PLN: variants seen among roughly 807,000 people sequenced by gnomAD.
PLN encodes cardiac phospholamban.
A neutral mutation model predicts 3.9 loss-of-function variants in PLN; 1 was observed. That is an observed-to-expected ratio of 0.26 (90% CI 0.09 to 1.23). The LOEUF (loss-of-function observed/expected upper bound fraction) is 1.23. PLN is among the 50% of genes most tolerant of loss of function. The pLI is 0.48. For synonymous variants in PLN, 21 were observed against 20.5 expected (o/e 1.02, Z -0.07); for missense variants, 59 against 62.7 (o/e 0.94, Z 0.20).
intron 1 of PLN, among the ~76,000 whole-genome samples, chr6:118,550,684 C>G (rs1778489759): frequency 1.3e-5 from 2 of 151,972 alleles, no homozygotes; most frequent in Admixed American, 1.3e-4. Flanking sequence ...TGCACATCCT[C>G]TATATACTGA....
At chr6:118,551,083 T>C (rs1445924515) in intron 1 of PLN, among the ~76,000 whole-genome samples, 7 of 151,898 alleles carry the variant, frequency 4.6e-5, no homozygotes, top group Non-Finnish European at 7.4e-5. Context: ...ATACCTAAAA[T>C]CCAAGTTAAC....
chr6:118,561,082 C>G lies in PLN; in HGVS notation c.*2002C>G, dbSNP rs939881579. ...GAGACACTATTAAATTTTCTGAACC[C>G]ATGAGAGATACTAGAGATGGGGAGT... On this transcript the variant is annotated 3_prime_UTR_variant, in exon 2 of 2. Transcript: ENST00000357525. Among the ~76,000 whole-genome samples, 1 of 152,092 alleles carries G rather than the reference C, an allele frequency of 6.6e-6. No homozygotes were observed. The highest frequency in any genetic ancestry group is 2.4e-5 in the African/African-American group (1 of 41,420).
At chr6:118,555,228 G>A (rs948733920) in intron 1 of PLN, among the ~76,000 whole-genome samples, 2 of 151,972 alleles carry the variant, frequency 1.3e-5, no homozygotes, top group Non-Finnish European at 2.9e-5. Context: ...TCGGGAGATC[G>A]AGACCATCCT....
chr6:118,550,227 G>T (rs1583026825), intron 1 of PLN, among the ~76,000 whole-genome samples: 1 of 151,708 alleles, frequency 6.6e-6, no homozygotes, highest in Non-Finnish European at 1.5e-5. Context: ...AGGCATAAAG[G>T]AAAATGATCA....
chr6:118,557,128 A>G (rs1046575034), intron 1 of PLN, among the ~76,000 whole-genome samples: 9 of 152,190 alleles, frequency 5.9e-5, no homozygotes, highest in African/African-American at 2.2e-4. Flanking sequence ...GTTACTTAAG[A>G]TAACATTCTA....
At chr6:118,548,630 G>A (rs1778350396) in intron 1 of PLN, among the ~76,000 whole-genome samples, 1 of 151,910 alleles carries the variant, frequency 6.6e-6, no homozygotes, top group Non-Finnish European at 1.5e-5. Flanking sequence ...CCTGGTTACT[G>A]GTTTGTCATT....
At chr6:118,549,075 T>A (rs1392889596) in intron 1 of PLN, among the ~76,000 whole-genome samples, 1 of 151,994 alleles carries the variant, frequency 6.6e-6, no homozygotes, top group Non-Finnish European at 1.5e-5. Flanking sequence ...TAAAGAAGTT[T>A]AGAAATTTTA....
chr6:118,553,336 T>C (rs550756779), intron 1 of PLN, among the ~76,000 whole-genome samples: 4 of 151,658 alleles, frequency 2.6e-5, no homozygotes, highest in African/African-American at 7.2e-5. Context: ...ACTCCAAAAA[T>C]AGGATTCTGC....
chr6:118,558,660 CAGAGAGAG>C (rs369698272), intron 1 of PLN, among the ~76,000 whole-genome samples, 157 bp from the exon 2 acceptor site: 16 of 122,212 alleles, frequency 1.3e-4, no homozygotes, highest in African/African-American at 2.6e-4. Flanking sequence ...CACACACACA[CAGAGAGAG>C]AGAGAGAGAG....
chr6:118,561,181 C>T lies in PLN; in HGVS notation c.*2101C>T, dbSNP rs891331311. On this transcript the variant is annotated 3_prime_UTR_variant, in exon 2 of 2. Transcript: ENST00000357525. ...TCTTAAGTGACGCCTCATCTACAAG[C>T]TGGAAATTCCTAAAAACAAGTAGAA... Among the ~76,000 whole-genome samples the T allele has an allele frequency of 1.3e-5, 2 of 152,092 alleles. No individual in the cohort carries two copies. The highest frequency in any genetic ancestry group is 4.8e-5 in the African/African-American group (2 of 41,416).
At chr6:118,555,655 T>C (rs1358224121) in intron 1 of PLN, among the ~76,000 whole-genome samples, 1 of 152,174 alleles carries the variant, frequency 6.6e-6, no homozygotes, top group Non-Finnish European at 1.5e-5. Context: ...GTCCCTTATT[T>C]TTAACTTTTG....
chr6:118,549,165 T>C (rs1026436918), intron 1 of PLN, among the ~76,000 whole-genome samples: 1 of 151,990 alleles, frequency 6.6e-6, no homozygotes, highest in African/African-American at 2.4e-5. Flanking sequence ...CACACGAATA[T>C]TCTTAACTAT....
chr6:118,559,427 T>G lies in PLN; in HGVS notation c.*347T>G. 2 of 316,008 alleles carry G rather than the reference T, an allele frequency of 6.3e-6. No individual in the cohort carries two copies. The highest frequency in any genetic ancestry group is 1.3e-5 in the Non-Finnish European group (2 of 156,414). The allele number at this position is 316,008 out of a possible 1,614,324, so 19.6% of individuals were successfully genotyped here. On this transcript the variant is annotated 3_prime_UTR_variant, in exon 2 of 2. Transcript: ENST00000357525. ...ACTGCCAACAAGTTCACTTCATATA[T>G]AAAGCATTATTTTTACTCTTTTGAG...
At position 118,558,626 on chromosome 6, in the gene PLN, T is replaced by TAC. The variant is rs371775061; in HGVS notation, c.-97-165_-97-164dup. On this transcript the variant is annotated intron_variant, in intron 1 of 1. Transcript: ENST00000357525. ...ACAGACACATAGAAACACGTGCACA[T>TAC]ACACACACACACACACACACACACA... is the stretch of plus-strand genomic sequence containing the variant. Among the ~76,000 whole-genome samples, 6,639 of 111,504 alleles carry TAC rather than the reference T, an allele frequency of 0.06. 189 individuals carry two copies. The highest frequency in any genetic ancestry group is 0.077 in the Middle Eastern group (16 of 208). 73.2% of individuals were successfully genotyped at this position (111,504 alleles called of 152,430 possible). A position where few individuals can be genotyped will look rare whatever the true frequency, so the allele number is the denominator to read the frequency against.
intron 1 of PLN, among the ~76,000 whole-genome samples, chr6:118,554,034 G>A (rs1294030318): frequency 6.6e-6 from 1 of 152,076 alleles, no homozygotes; most frequent in African/African-American, 2.4e-5. Flanking sequence ...ATGAGGGCCA[G>A]GCATGGTCAT....
chr6:118,558,445 C>T (rs1460276922), intron 1 of PLN, among the ~76,000 whole-genome samples: 3 of 151,802 alleles, frequency 2.0e-5, no homozygotes, highest in South Asian at 2.1e-4. Context: ...TGTTGTTTTG[C>T]GTAAAGTCAT....
chr6:118,560,833 T>C lies in PLN; in HGVS notation c.*1753T>C, dbSNP rs1222226854. The stretch of plus-strand genomic sequence containing the variant: ...ATATATTCACCAAACTTTGGTAATT[T>C]AAGTTGACTAAAGTTTAAAATTAAG... On this transcript the variant is annotated 3_prime_UTR_variant, in exon 2 of 2. Transcript: ENST00000357525. The C allele has an allele frequency of 6.5e-6, 1 of 153,144 alleles. No homozygotes were observed. The allele number at this position is 153,144 out of a possible 1,614,324, so 9.5% of individuals were successfully genotyped here.
At chr6:118,555,807 C>T (rs1216402454) in intron 1 of PLN, among the ~76,000 whole-genome samples, 1 of 151,216 alleles carries the variant, frequency 6.6e-6, no homozygotes, top group Non-Finnish European at 1.5e-5. Flanking sequence ...CTCCCATCCT[C>T]CCCGCTCAAG....
chr6:118,557,092 T>C (rs2114958919), intron 1 of PLN, among the ~76,000 whole-genome samples: 1 of 152,316 alleles, frequency 6.6e-6, no homozygotes, highest in Admixed American at 6.5e-5. Context: ...CAGTCTTCAG[T>C]ACTTAACATC....
Sources: allele counts gnomAD v4.1 joint callset (sites outside exome capture counted in the v4.1 genomes callset), GRCh38; gene constraint gnomAD v4.1.1; transcripts MANE v1.5; gene names NCBI Gene and HGNC (gene_info 2026-07-23, HGNC 2026-07-21).